The following TENM1 variants were observed in gnomAD, a reference collection of about 807,000 sequenced individuals.
TENM1 encodes teneurin-1.
TENM1 carries 35 observed loss-of-function variants against 174.8 expected under a neutral mutation model. The observed-to-expected ratio is 0.20, with a 90% CI of 0.15 to 0.27. TENM1 has a LOEUF of 0.27. Among genes scored for constraint, TENM1 ranks in the 10% least tolerant of loss-of-function variants. The probability of loss-of-function intolerance (pLI) is 1.00; values close to 1 mark genes in which losing one functional copy is unlikely to be tolerated. For missense variants in TENM1, 1,633 were observed against 2,130.1 expected (o/e 0.77, Z 4.59); for synonymous variants, 781 against 798.7 (o/e 0.98, Z 0.37).
the TENM1 span, among the ~76,000 whole-genome samples, chrX:125,151,510 T>C: frequency 3.7e-3 from 416 of 112,022 alleles, 14 homozygotes; most frequent in South Asian, 0.12. Flanking sequence ...TCATGGAAAA[T>C]AGGTGAGACT....
At chrX:124,455,977 A>G (rs1015249264) in intron 22 of TENM1, among the ~76,000 whole-genome samples, 1 of 111,579 alleles carries the variant, frequency 9.0e-6, no homozygotes, top group South Asian at 3.8e-4. Context: ...TTCTCATCCC[A>G]TCAGAGTGCA....
At chrX:125,131,537 A>C in the TENM1 span, among the ~76,000 whole-genome samples, 1 of 112,176 alleles carries the variant, frequency 8.9e-6, no homozygotes, top group African/African-American at 3.2e-5. Context: ...AAGGTGACTT[A>C]AGCTTGGAAC....
chrX:124,708,853 C>A (rs1396198484), intron 4 of TENM1, among the ~76,000 whole-genome samples: 1 of 111,562 alleles, frequency 9.0e-6, no homozygotes, highest in African/African-American at 3.3e-5. Context: ...AAAAAAGATT[C>A]ATGAGTATTA....
chrX:125,064,155 G>A, the TENM1 span, among the ~76,000 whole-genome samples: 5 of 95,822 alleles, frequency 5.2e-5, no homozygotes, highest in Admixed American at 3.5e-4. Context: ...CACCGGGGCC[G>A]TTGTGGGGTG....
At chrX:124,402,442 G>A (rs1603252162) in intron 27 of TENM1, among the ~76,000 whole-genome samples, 1 of 111,898 alleles carries the variant, frequency 8.9e-6, no homozygotes, top group African/African-American at 3.2e-5. Context: ...GATCGGAAAT[G>A]GGTCACATTA....
chrX:124,524,563 C>A (rs752642831), intron 16 of TENM1, among the ~76,000 whole-genome samples: 8 of 111,468 alleles, frequency 7.2e-5, no homozygotes, highest in Non-Finnish European at 1.5e-4. Flanking sequence ...CTACTTGCAC[C>A]TCAGATTTAA....
intron 1 of TENM1, among the ~76,000 whole-genome samples, chrX:124,936,468 A>G (rs1373455515): frequency 8.9e-6 from 1 of 111,790 alleles, no homozygotes; most frequent in Non-Finnish European, 1.9e-5. Flanking sequence ...TCTGTTGGTC[A>G]CCATAGCACC....
chrX:125,068,419 G>A, the TENM1 span, among the ~76,000 whole-genome samples: 1 of 111,844 alleles, frequency 8.9e-6, no homozygotes, highest in Non-Finnish European at 1.9e-5. Flanking sequence ...TCGCACTCCA[G>A]AAAGGTAAAA....
chrX:124,808,006 T>C (rs906572044), intron 3 of TENM1, among the ~76,000 whole-genome samples: 2 of 110,093 alleles, frequency 1.8e-5, no homozygotes, highest in African/African-American at 6.6e-5. Flanking sequence ...TGAATGTAAA[T>C]GGATTAAATT....
chrX:124,476,371 C>T (rs1234518334), intron 22 of TENM1, among the ~76,000 whole-genome samples: 1 of 111,920 alleles, frequency 8.9e-6, no homozygotes, highest in African/African-American at 3.3e-5. Flanking sequence ...TCTTAATTTC[C>T]AATAAAGTTA....
At chrX:124,489,510 T>C (rs1205580585) in intron 20 of TENM1, among the ~76,000 whole-genome samples, 2 of 111,478 alleles carry the variant, frequency 1.8e-5, no homozygotes, top group Non-Finnish European at 3.8e-5. Context: ...ACTCCATACC[T>C]ATTTGTGGTC....
At chrX:124,999,761 G>C in the TENM1 span, among the ~76,000 whole-genome samples, 2 of 110,595 alleles carry the variant, frequency 1.8e-5, no homozygotes, top group Non-Finnish European at 3.8e-5. Flanking sequence ...GCTCTACAAA[G>C]GCAATTTAAG....
At chrX:124,409,785 T>C (rs1415342372) in intron 25 of TENM1, among the ~76,000 whole-genome samples, 3 of 107,930 alleles carry the variant, frequency 2.8e-5, no homozygotes, top group Admixed American at 9.8e-5. Context: ...TCAAAGAGAA[T>C]AAAATACCTA....
the TENM1 span, among the ~76,000 whole-genome samples, chrX:125,133,807 T>A: frequency 9.0e-6 from 1 of 111,459 alleles, no homozygotes; most frequent in Non-Finnish European, 1.9e-5. Context: ...TAAATAAAAA[T>A]TGGAAATTGT....
intron 22 of TENM1, among the ~76,000 whole-genome samples, chrX:124,474,361 C>T (rs2061365431): frequency 9.0e-6 from 1 of 111,313 alleles, no homozygotes; most frequent in African/African-American, 3.3e-5. Context: ...TAAGGTTAAA[C>T]ATTTAATTAG....
At chrX:124,669,760 TTTG>T (rs1255014818) in intron 6 of TENM1, among the ~76,000 whole-genome samples, 1 of 111,929 alleles carries the variant, frequency 8.9e-6, no homozygotes, top group African/African-American at 3.2e-5. Context: ...GTTTGCTCTG[TTTG>T]TTGTTATAAT....
intron 11 of TENM1, among the ~76,000 whole-genome samples, chrX:124,587,932 T>C (rs1408459660): frequency 9.0e-6 from 1 of 111,567 alleles, no homozygotes; most frequent in African/African-American, 3.3e-5. Flanking sequence ...AAAAGACACA[T>C]GAAAAAATGC....
intron 11 of TENM1, among the ~76,000 whole-genome samples, chrX:124,588,042 C>A (rs748350433): frequency 2.7e-3 from 296 of 111,647 alleles, no homozygotes; most frequent in African/African-American, 8.3e-3. Context: ...AGGAAACAAC[C>A]GGTGTTGGAG....
chrX:124,550,799 C>T (rs1353812416), intron 14 of TENM1, among the ~76,000 whole-genome samples: 1 of 109,179 alleles, frequency 9.2e-6, no homozygotes, highest in Non-Finnish European at 1.9e-5. Context: ...TGCTCTGTCG[C>T]CCAGGCTGGA....
Sources: gnomAD v4.1 joint callset for allele counts (sites outside exome capture counted in the v4.1 genomes callset) on GRCh38, gnomAD v4.1.1 for gene constraint, MANE v1.5 for transcripts, NCBI Gene and HGNC (gene_info 2026-07-23, HGNC 2026-07-21) for gene names.